Variants in PTPN12 observed in about 807,000 individuals in gnomAD.
PTPN12 encodes tyrosine-protein phosphatase non-receptor type 12.
Under a neutral mutation model 97.6 loss-of-function variants are expected in PTPN12, and 29 were observed. That is an observed-to-expected ratio of 0.30 (90% confidence interval 0.22 to 0.41). The LOEUF is 0.41. Among genes scored for constraint, PTPN12 ranks in the 10% least tolerant of loss-of-function variants. The probability of loss-of-function intolerance (pLI) is 1.00; values close to 1 mark genes in which losing one functional copy is unlikely to be tolerated. For synonymous variants in PTPN12, 327 were observed against 300.4 expected, an observed-to-expected ratio of 1.09 and a Z score of -0.91; for missense variants, 819 against 926.0, an observed-to-expected ratio of 0.88 and a Z score of 1.50.
At chr7:77,552,977 G>T (rs972265277) in intron 1 of PTPN12, among the ~76,000 whole-genome samples, 43 of 152,260 alleles carry the variant, frequency 2.8e-4, no homozygotes, top group African/African-American at 9.4e-4. Flanking sequence ...AATAGGAGGG[G>T]AAAAAGGCCA....
intron 1 of PTPN12, among the ~76,000 whole-genome samples, chr7:77,549,250 C>T (rs147872718): frequency 2.0e-5 from 3 of 152,020 alleles, no homozygotes; most frequent in African/African-American, 7.3e-5. Context: ...AGTAGAGAAT[C>T]CTTGAAGCAA....
chr7:77,552,859 C>T (rs761404284), intron 1 of PTPN12, among the ~76,000 whole-genome samples: 10 of 152,048 alleles, frequency 6.6e-5, no homozygotes, highest in Non-Finnish European at 7.4e-5. Context: ...GCTTCTTTAT[C>T]GTTAAAACAG....
chr7:77,551,001 T>A (rs1469218228), intron 1 of PTPN12, among the ~76,000 whole-genome samples: 1 of 152,206 alleles, frequency 6.6e-6, no homozygotes, highest in Admixed American at 6.5e-5. Context: ...CCTATTACAG[T>A]CCTTTTAAGA....
intron 12 of PTPN12, among the ~76,000 whole-genome samples, chr7:77,625,565 CTTTTTTTT>C (rs1179793825): frequency 4.1e-5 from 1 of 24,152 alleles, no homozygotes; most frequent in African/African-American, 2.3e-4. Context: ...CTCTCTCTCT[CTTTTTTTT>C]TTTTTTTTTT....
Position 77,639,199 on chromosome 7 carries a change from T to C in PTPN12, c.2282-20T>C. ...AGTATTTCTGAACACTGACTAGTTA[T>C]TGTGGTGTTTTCACTGTAGGTTTTG... On this transcript the variant is annotated intron_variant, in intron 17 of 17. Transcript: ENST00000248594. 1 of 1,594,190 alleles carries C rather than the reference T, an allele frequency of 6.3e-7. No individual in the cohort carries two copies. Among genetic ancestry groups the C allele is most frequent in the Non-Finnish European group, 8.6e-7 (1 of 1,163,586 alleles).
intron 9 of PTPN12, among the ~76,000 whole-genome samples, chr7:77,610,161 C>G (rs766945085): frequency 7.2e-5 from 11 of 152,212 alleles, no homozygotes; most frequent in Non-Finnish European, 2.9e-5. Context: ...AAAGAATTGT[C>G]TAGGTCGTTT....
At chr7:77,637,409 A>T (rs1789632371) in intron 16 of PTPN12, among the ~76,000 whole-genome samples, 1 of 152,190 alleles carries the variant, frequency 6.6e-6, no homozygotes, top group Non-Finnish European at 1.5e-5. Context: ...ATTGTTTTAG[A>T]AATCTTCCTT....
At chr7:77,607,423 T>C in intron 9 of PTPN12, 122 bp downstream of exon 9, 1 of 760,812 alleles carries the variant, frequency 1.3e-6, no homozygotes, top group Non-Finnish European at 2.1e-6. Context: ...CAAAGTAGTT[T>C]TATTAAGTAA....
intron 1 of PTPN12, chr7:77,537,985 G>GC (rs1554306830): frequency 1.5e-5 from 15 of 995,684 alleles, no homozygotes; most frequent in African/African-American, 5.2e-5. Context: ...GGCCGGGGGG[G>GC]GGGGCTCGCG....
At chr7:77,567,724 T>C (rs1808319974) in intron 1 of PTPN12, among the ~76,000 whole-genome samples, 1 of 152,222 alleles carries the variant, frequency 6.6e-6, no homozygotes, top group African/African-American at 2.4e-5. Context: ...TATGCAACTC[T>C]TTCTGATCTT....
intron 2 of PTPN12, among the ~76,000 whole-genome samples, chr7:77,577,738 A>C (rs926738078): frequency 1.3e-5 from 2 of 152,248 alleles, no homozygotes; most frequent in Admixed American, 1.3e-4. Flanking sequence ...ACATAGTAGA[A>C]AGCAGTGACT....
At chr7:77,590,555 A>T (rs1016069372) in intron 5 of PTPN12, among the ~76,000 whole-genome samples, 3 of 145,878 alleles carry the variant, frequency 2.1e-5, no homozygotes, top group Admixed American at 7.0e-5. Context: ...TATTTTTTTT[A>T]AATCTTTTTT....
At chr7:77,568,812 A>G (rs1373348864) in intron 1 of PTPN12, among the ~76,000 whole-genome samples, 1 of 152,178 alleles carries the variant, frequency 6.6e-6, no homozygotes, top group Non-Finnish European at 1.5e-5. Context: ...TTCTGCAACT[A>G]TTTAAGTTGA....
intron 2 of PTPN12, among the ~76,000 whole-genome samples, chr7:77,573,992 G>T (rs182665775): frequency 3.9e-5 from 6 of 152,206 alleles, no homozygotes; most frequent in Non-Finnish European, 5.9e-5. Context: ...AACTCCTAAC[G>T]TCAGGTCATC....
In PTPN12 at chr7:77,610,820, G is replaced by C; in HGVS notation, c.818G>C (p.Arg273Thr). ...TTAATACAAGAAATGAGAACACAAA[G>C]GCATTCTGCAGTACAAACAAAGGTA... is the stretch of plus-strand genomic sequence containing the variant. ...FNLIQEMRTQ[R>T]HSAVQTKEQY... The change falls in exon 10 of 18, where the codon AGG becomes ACG. Residue 273 changes from arginine (R) to threonine (T), a missense_variant. Around this residue, in one of 5 missense-constraint regions of PTPN12, gnomAD observed 42 missense variants for 120.9 expected, o/e 0.35. Coordinates refer to ENST00000248594, the MANE Select transcript of PTPN12 (RefSeq NM_002835.4). 1 of 1,608,296 alleles carries C rather than the reference G, an allele frequency of 6.2e-7. No homozygotes were observed. The highest frequency in any genetic ancestry group is 8.5e-7 in the Non-Finnish European group (1 of 1,178,840).
chr7:77,630,410 G>A (rs949296540), intron 13 of PTPN12, among the ~76,000 whole-genome samples: 1 of 152,142 alleles, frequency 6.6e-6, no homozygotes, highest in African/African-American at 2.4e-5. Context: ...GAATGTCATA[G>A]AATGTATTTA....
intron 1 of PTPN12, among the ~76,000 whole-genome samples, chr7:77,569,498 G>A (rs1054853248): frequency 3.3e-5 from 5 of 152,072 alleles, no homozygotes; most frequent in East Asian, 1.9e-4. Flanking sequence ...GTGGTTGGGC[G>A]CGTGGCTCAC....
intron 12 of PTPN12, among the ~76,000 whole-genome samples, chr7:77,619,551 G>A (rs2151385279): frequency 6.6e-6 from 1 of 152,294 alleles, no homozygotes; most frequent in Admixed American, 6.5e-5. Context: ...GCTGAGTACA[G>A]AAAGAGGCAG....
intron 1 of PTPN12, chr7:77,538,129 C>G (rs1299420528): frequency 1.0e-6 from 1 of 986,840 alleles, no homozygotes; most frequent in Non-Finnish European, 1.2e-6. Context: ...TCCTGGGATC[C>G]CTTTGCTCTA....
Sources: gnomAD v4.1 joint callset for allele counts (sites outside exome capture counted in the v4.1 genomes callset) on GRCh38, gnomAD v4.1.1 for gene constraint, gnomAD v4.1.1 regional missense constraint, MANE v1.5 for transcripts, NCBI Gene and HGNC (gene_info 2026-07-23, HGNC 2026-07-21) for gene names.